STXBP5L: variants seen among roughly 807,000 people sequenced by gnomAD.
STXBP5L encodes the protein syntaxin binding protein 5L.
STXBP5L carries 65 observed loss-of-function variants against 144.5 expected under a neutral mutation model. The ratio of observed to expected loss-of-function variants is 0.45; its 90% CI spans 0.37 to 0.55. STXBP5L has a LOEUF of 0.55. Among genes scored for constraint, STXBP5L ranks in the 20% least tolerant of loss-of-function variants. The pLI is 0.00. For missense variants in STXBP5L, 1,298 were observed against 1,405.5 expected (o/e 0.92, Z 1.22); for synonymous variants, 505 against 469.6 (o/e 1.08, Z -0.97).
intron 3 of STXBP5L, among the ~76,000 whole-genome samples, chr3:121,010,929 G>C (rs1944728315): frequency 6.6e-6 from 1 of 151,492 alleles, no homozygotes; most frequent in Admixed American, 6.6e-5. Context: ...AAAAATTCAT[G>C]TTTAAGTGGA....
intron 20 of STXBP5L, among the ~76,000 whole-genome samples, chr3:121,370,794 T>A (rs2046007293): frequency 2.6e-5 from 4 of 152,252 alleles, no homozygotes; most frequent in African/African-American, 9.6e-5. Flanking sequence ...GCTTAGTCTA[T>A]TCTGTTGTTA....
At position 121,098,997 on chromosome 3, in the gene STXBP5L, TAGAG is replaced by T. The variant is rs769621572; in HGVS notation, c.471-15922_471-15919del. On this transcript the variant is annotated intron_variant, in intron 5 of 26. Transcript: ENST00000471454. Reference sequence around the variant, plus strand: ...TGGACTCCAAATAACCCTGTATATATAGAGAGAGATAGAGATTGCCTCTATCTAT... The same window carrying T: ...TGGACTCCAAATAACCCTGTATATATAGAGATAGAGATTGCCTCTATCTAT... 28 of 152,172 alleles carry T rather than the reference TAGAG, an allele frequency of 1.8e-4. No individual in the cohort carries two copies. In the East Asian group the frequency reaches 4.8e-3, roughly 26 times the overall value. 9.4% of individuals were successfully genotyped at this position (152,172 alleles called of 1,614,324 possible). A position where few individuals can be genotyped will look rare whatever the true frequency, so the allele number is the denominator to read the frequency against.
At chr3:121,325,580 G>T (rs1367704119) in intron 20 of STXBP5L, among the ~76,000 whole-genome samples, 7 of 151,856 alleles carry the variant, frequency 4.6e-5, no homozygotes. Flanking sequence ...AAATTTAATA[G>T]AACTTAAGAA....
intron 3 of STXBP5L, among the ~76,000 whole-genome samples, chr3:121,036,721 A>T (rs1431799117): frequency 2.0e-5 from 3 of 150,732 alleles, no homozygotes; most frequent in Non-Finnish European, 4.4e-5. Flanking sequence ...TTCTGTATCT[A>T]TCAAAATGAT....
chr3:121,416,174 A>G (rs908240715), intron 25 of STXBP5L, among the ~76,000 whole-genome samples: 6 of 152,168 alleles, frequency 3.9e-5, no homozygotes, highest in South Asian at 2.1e-4. Context: ...GTCACTTCAT[A>G]TTAGGAAATT....
intron 5 of STXBP5L, among the ~76,000 whole-genome samples, chr3:121,107,736 T>C (rs1156513772): frequency 2.0e-5 from 3 of 151,852 alleles, no homozygotes; most frequent in Admixed American, 2.0e-4. Flanking sequence ...TAGTTTTTTC[T>C]AATTCTGTGA....
chr3:121,338,867 C>T (rs551796521), intron 20 of STXBP5L, among the ~76,000 whole-genome samples: 1 of 152,102 alleles, frequency 6.6e-6, no homozygotes, highest in East Asian at 1.9e-4. Flanking sequence ...AAATTCTGAA[C>T]AGACCAACAA....
Position 121,304,027 on chromosome 3 carries a change from TA to T in STXBP5L, c.2111-14438del, listed in dbSNP as rs35311200. Among the ~76,000 whole-genome samples, 258 of 138,416 alleles carry T rather than the reference TA, an allele frequency of 1.9e-3. 1 individual carries two copies. Among genetic ancestry groups the T allele is most frequent in the Non-Finnish European group, 3.0e-3 (197 of 65,830 alleles). The allele number at this position is 138,416 out of a possible 152,430, so 90.8% of individuals were successfully genotyped here. ...CATGTACCCTAAAACTTAAAGTATA[TA>T]AAAAAAAAATACGTTGAAAGTAAAA... On this transcript the variant is annotated intron_variant, in intron 19 of 26. Transcript: ENST00000471454.
At chr3:121,312,909 C>T (rs904887506) in intron 19 of STXBP5L, among the ~76,000 whole-genome samples, 8 of 152,218 alleles carry the variant, frequency 5.3e-5, no homozygotes, top group Non-Finnish European at 2.9e-5. Context: ...CTTTCCCCAC[C>T]CTTCCCGCCT....
At position 120,945,920 on chromosome 3, in the gene STXBP5L, C is replaced by A. The variant is rs563807016; in HGVS notation, c.190-9020C>A. 6.6e-5 allele frequency among the ~76,000 whole-genome samples: 10 copies of A among 151,906 alleles called. No homozygotes were observed. In the South Asian group the frequency reaches 1.0e-3, roughly 16 times the overall value. On this transcript the variant is annotated intron_variant, in intron 2 of 26. Coordinates refer to ENST00000471454, the MANE Select transcript of STXBP5L (RefSeq NM_001308330.2). Reference sequence around the variant, plus strand: ...AAGCATGAACCCTTCATGCTTTTCGCTTTTCCAGCTCTGGTTTGTTTGGGT... The same window carrying A: ...AAGCATGAACCCTTCATGCTTTTCGATTTTCCAGCTCTGGTTTGTTTGGGT...
intron 20 of STXBP5L, among the ~76,000 whole-genome samples, chr3:121,343,767 G>C (rs1224260074): frequency 6.6e-6 from 1 of 152,072 alleles, no homozygotes; most frequent in Non-Finnish European, 1.5e-5. Flanking sequence ...ACAAATGGAA[G>C]AACATTCCAT....
intron 3 of STXBP5L, among the ~76,000 whole-genome samples, chr3:121,005,383 T>A (rs1178738715): frequency 6.6e-6 from 1 of 152,056 alleles, no homozygotes; most frequent in East Asian, 1.9e-4. Context: ...TATTTCTGTG[T>A]GAACGGTGGT....
intron 9 of STXBP5L, among the ~76,000 whole-genome samples, chr3:121,187,804 G>A (rs2108142328): frequency 6.6e-6 from 1 of 151,714 alleles, no homozygotes; most frequent in Middle Eastern, 3.4e-3. Flanking sequence ...CCCATCTCAT[G>A]TGCAAAAACA....
At chr3:121,334,972 A>T (rs1174937911) in intron 20 of STXBP5L, among the ~76,000 whole-genome samples, 2 of 152,226 alleles carry the variant, frequency 1.3e-5, no homozygotes, top group African/African-American at 4.8e-5. Context: ...CAGGCAAAAG[A>T]AAGAAATGAA....
chr3:121,105,716 CTAAG>C (rs1264443446), intron 5 of STXBP5L, among the ~76,000 whole-genome samples: 1 of 151,874 alleles, frequency 6.6e-6, no homozygotes, highest in African/African-American at 2.4e-5. Flanking sequence ...AAGGTACAAA[CTAAG>C]TATGGACACA....
chr3:120,924,741 G>T (rs1012393771), intron 2 of STXBP5L: 4 of 151,682 alleles, frequency 2.6e-5, no homozygotes, highest in Non-Finnish European at 5.9e-5. Context: ...ACAGAGTCTC[G>T]CTCTGTCGCC....
chr3:121,160,801 A>G (rs1164243936), intron 9 of STXBP5L, among the ~76,000 whole-genome samples: 2 of 152,092 alleles, frequency 1.3e-5, no homozygotes, highest in Non-Finnish European at 2.9e-5. Flanking sequence ...GGTTATTTCA[A>G]TATTTTCTAG....
rs150513982 is a variant in STXBP5L, at chr3:121,345,736, G to A, written c.2176+27196G>A. Among the ~76,000 whole-genome samples, 374 of 152,112 alleles carry A rather than the reference G, an allele frequency of 2.5e-3. 4 individuals are homozygous for A. Among genetic ancestry groups the A allele is most frequent in the African/African-American group, 8.1e-3 (336 of 41,506 alleles). On this transcript the variant is annotated intron_variant, in intron 20 of 26. Coordinates refer to ENST00000471454, the MANE Select transcript of STXBP5L (RefSeq NM_001308330.2). ...TGAGATGGTATCTCATTGTGGTATT[G>A]ATTTGCATTTCTCTCATGACAAGTG...
intron 20 of STXBP5L, among the ~76,000 whole-genome samples, chr3:121,330,996 C>G (rs1559982977): frequency 6.6e-6 from 1 of 152,200 alleles, no homozygotes; most frequent in Non-Finnish European, 1.5e-5. Flanking sequence ...CCCTTGCAGA[C>G]AGTCCCCACT....
Sources: allele counts gnomAD v4.1 joint callset (sites outside exome capture counted in the v4.1 genomes callset), GRCh38; gene constraint gnomAD v4.1.1; transcripts MANE v1.5; gene names NCBI Gene and HGNC (gene_info 2026-07-23, HGNC 2026-07-21).